Variants in ITIH5 observed in about 807,000 individuals in gnomAD.
The protein encoded by ITIH5 is inter-alpha-trypsin inhibitor heavy chain H5.
Under a neutral mutation model 77.5 loss-of-function variants are expected in ITIH5, and 65 were observed. The ratio of observed to expected loss-of-function variants is 0.84; its 90% CI spans 0.69 to 1.03. The LOEUF (loss-of-function observed/expected upper bound fraction) is 1.03. Among genes scored for constraint, ITIH5 ranks in the 50% least tolerant of loss-of-function variants. The pLI, the probability that ITIH5 is intolerant of heterozygous loss-of-function variation, is 0.00. For synonymous variants in ITIH5, 525 were observed against 494.3 expected (o/e 1.06, Z -0.82); for missense variants, 1,208 against 1,213.1 (o/e 1.00, Z 0.06).
At chr10:7,634,370 T>A (rs749426181) in intron 5 of ITIH5, among the ~76,000 whole-genome samples, 1 of 152,122 alleles carries the variant, frequency 6.6e-6, no homozygotes, top group Non-Finnish European at 1.5e-5. Context: ...GCAGGAACAA[T>A]AACCGCTGAG....
chr10:7,592,977 G>A (rs1431925482), intron 7 of ITIH5, among the ~76,000 whole-genome samples: 2 of 152,124 alleles, frequency 1.3e-5, no homozygotes, highest in Admixed American at 1.3e-4. Context: ...AGGCTGCATG[G>A]GGGCCTGCCA....
intron 2 of ITIH5, among the ~76,000 whole-genome samples, chr10:7,644,548 GATATATCACATATATATGATATATATCAC>G (rs1833951430): frequency 1.6e-5 from 1 of 61,966 alleles, no homozygotes; most frequent in South Asian, 4.7e-4. Context: ...ACATATATAT[GATATATCACATATATATGATATATATCAC>G]ATATATCACA....
At position 7,666,897 on chromosome 10, in the gene ITIH5, G is replaced by A; in HGVS notation, c.-5C>T. ...CAGCCCCAGCAGCAGGAGCATGGCG[G>A]GGCGAGGGCGCGGGACGCTCGGGGA... On this transcript the variant is annotated 5_prime_UTR_variant, in exon 1 of 14. Coordinates refer to ENST00000397146, the MANE Select transcript of ITIH5 (RefSeq NM_030569.7). The A allele has an allele frequency of 1.3e-6, 2 of 1,586,884 alleles. No homozygotes were observed. Among genetic ancestry groups the A allele is most frequent in the Non-Finnish European group, 1.7e-6 (2 of 1,169,464 alleles).
intron 5 of ITIH5, among the ~76,000 whole-genome samples, chr10:7,626,265 T>C (rs1189427458): frequency 2.6e-5 from 4 of 152,162 alleles, no homozygotes; most frequent in African/African-American, 9.7e-5. Context: ...GTCTCACCGG[T>C]ATTGGGCTAC....
intron 7 of ITIH5, among the ~76,000 whole-genome samples, chr10:7,605,440 C>T (rs1188474580): frequency 6.6e-6 from 1 of 151,862 alleles, no homozygotes; most frequent in Non-Finnish European, 1.5e-5. Flanking sequence ...CAGAGCACTC[C>T]CTATATAATT....
Position 7,566,212 on chromosome 10 carries a change from C to A in ITIH5, c.2345G>T (p.Gly782Val), listed in dbSNP as rs200068398. 1.2e-6 allele frequency: 2 copies of A among 1,613,914 alleles called. No individual in the cohort carries two copies. The highest frequency in any genetic ancestry group is 1.7e-6 in the Non-Finnish European group (2 of 1,179,944). ...CACGGACACCTCCAGCCCCCAGCTC[C>A]CCACCACCACACTCTGGTTGCAGGG... The part of the protein sequence containing the change: ...VLPCNQSVVV[G>V]SWGLEVSVSA... The change falls in exon 13 of 14, where the codon GGG (glycine) becomes GTG (valine). Residue 782 changes from glycine (G) to valine (V), a missense_variant. Gly to Val is a moderately radical substitution (Grantham distance 109). Transcript: ENST00000397146.
At position 7,666,922 on chromosome 10, in the gene ITIH5, ACC is replaced by A. The variant is rs779646865; in HGVS notation, c.-32_-31del. 6.1e-5 allele frequency: 94 copies of A among 1,547,230 alleles called. 3 individuals carry two copies. The South Asian group carries it at 1.1e-3, about 18-fold the overall frequency. ...GGGCGAGGGCGCGGGACGCTCGGGG[ACC>A]CGGCGGGACACGCTTTGCAGCGCCC... On this transcript the variant is annotated 5_prime_UTR_variant, in exon 1 of 14. Coordinates refer to ENST00000397146, the MANE Select transcript of ITIH5 (RefSeq NM_030569.7).
chr10:7,586,199 C>A, intron 7 of ITIH5, 130 bp from the exon 8 acceptor site: 3 of 759,952 alleles, frequency 3.9e-6, no homozygotes, highest in Non-Finnish European at 6.2e-6. Context: ...ATGTAAAGGG[C>A]ACTTGGCTGA....
intron 2 of ITIH5, among the ~76,000 whole-genome samples, chr10:7,648,905 G>A (rs977459823): frequency 6.6e-6 from 1 of 152,086 alleles, no homozygotes; most frequent in African/African-American, 2.4e-5. Context: ...CAAGAGACAG[G>A]CTGAAAAAAG....
rs1025060021 is a variant in ITIH5 at position 7,666,966 on chromosome 10, C to G, written c.-74G>C. On this transcript the variant is annotated 5_prime_UTR_variant, in exon 1 of 14. Coordinates refer to ENST00000397146, the MANE Select transcript of ITIH5 (RefSeq NM_030569.7). ...GCAGCGCCCAGGGCTCCAGCCACTGCGGGACGCTCTCGGGGCCGCCCACCC... is the reference window on the plus strand; with the variant it reads ...GCAGCGCCCAGGGCTCCAGCCACTGGGGGACGCTCTCGGGGCCGCCCACCC... The G allele has an allele frequency of 3.7e-5, 46 of 1,240,366 alleles. No homozygotes were observed. In the African/African-American group the frequency reaches 6.5e-4, roughly 18 times the overall value. 76.8% of individuals were successfully genotyped at this position (1,240,366 alleles called of 1,614,324 possible). A position where few individuals can be genotyped will look rare whatever the true frequency, so the allele number is the denominator to read the frequency against.
At chr10:7,579,136 C>T (rs771226914) in intron 9 of ITIH5, among the ~76,000 whole-genome samples, 9 of 152,236 alleles carry the variant, frequency 5.9e-5, no homozygotes, top group Admixed American at 5.2e-4. Flanking sequence ...CAGTGCTATA[C>T]ATAGTGTTTT....
At chr10:7,642,353 T>C (rs540456274) in intron 2 of ITIH5, among the ~76,000 whole-genome samples, 1 of 152,296 alleles carries the variant, frequency 6.6e-6, no homozygotes, top group East Asian at 1.9e-4. Flanking sequence ...GTGAACACAG[T>C]GAAGACGTCC....
At chr10:7,604,205 C>T (rs1327995210) in intron 7 of ITIH5, among the ~76,000 whole-genome samples, 1 of 152,188 alleles carries the variant, frequency 6.6e-6, no homozygotes, top group Non-Finnish European at 1.5e-5. Context: ...CCCTTGCCCC[C>T]CAACCTCCAA....
intron 1 of ITIH5, among the ~76,000 whole-genome samples, chr10:7,660,104 T>C (rs1834252609): frequency 6.6e-6 from 1 of 152,158 alleles, no homozygotes; most frequent in African/African-American, 2.4e-5. Context: ...ACAGAAGATA[T>C]CCAGACCACA....
At chr10:7,623,605 C>T (rs1833508830) in intron 5 of ITIH5, among the ~76,000 whole-genome samples, 1 of 151,936 alleles carries the variant, frequency 6.6e-6, no homozygotes, top group Non-Finnish European at 1.5e-5. Flanking sequence ...AGATCGAGAC[C>T]ATCCTGGATA....
chr10:7,579,905 G>A lies in ITIH5; in HGVS notation c.1268C>T (p.Thr423Ile). The A allele has an allele frequency of 6.2e-7, 1 of 1,614,240 alleles. No individual in the cohort carries two copies. The highest frequency in any genetic ancestry group is 8.5e-7 in the Non-Finnish European group (1 of 1,180,044). The change falls in exon 9 of 14, where the codon ACC becomes ATC. Residue 423 changes from threonine to isoleucine, a missense_variant. Coordinates refer to ENST00000397146, the MANE Select transcript of ITIH5 (RefSeq NM_030569.7). ...GACTTGGCCTCGGGCGGCCTCTCGG[G>A]TGTTGTTGAGGATCTTGAGGGTGTG... ...ETHTLKILNNTREAARGQVCI... is the reference protein window; with the variant it reads ...ETHTLKILNNIREAARGQVCI...
chr10:7,586,168 G>T (rs1832676298), intron 7 of ITIH5, 99 bp from the exon 8 acceptor site: 3 of 1,124,776 alleles, frequency 2.7e-6, no homozygotes, highest in South Asian at 1.6e-5. Flanking sequence ...AAAATGTCAG[G>T]GTTCAAATTC....
chr10:7,627,106 G>C (rs1833592947), intron 5 of ITIH5, among the ~76,000 whole-genome samples: 1 of 150,842 alleles, frequency 6.6e-6, no homozygotes, highest in African/African-American at 2.4e-5. Flanking sequence ...TGCTCACAGA[G>C]CAAAGAAAAA....
chr10:7,599,592 C>T (rs923901005), intron 7 of ITIH5, among the ~76,000 whole-genome samples: 6 of 152,166 alleles, frequency 3.9e-5, no homozygotes, highest in Non-Finnish European at 5.9e-5. Flanking sequence ...GATCGCCTTT[C>T]CCTCTCCCTT....
Sources: allele counts gnomAD v4.1 joint callset (sites outside exome capture counted in the v4.1 genomes callset), GRCh38; gene constraint gnomAD v4.1.1; transcripts MANE v1.5; gene names NCBI Gene and HGNC (gene_info 2026-07-23, HGNC 2026-07-21).